DIAPH3: variants seen among roughly 807,000 people sequenced by gnomAD.
The protein encoded by DIAPH3 is protein diaphanous homolog 3.
A neutral mutation model predicts 144.3 loss-of-function variants in DIAPH3; 117 were observed. That is an observed-to-expected ratio of 0.81 (90% CI 0.70 to 0.95). The LOEUF is 0.95. DIAPH3 is among the 40% of genes least tolerant of loss of function. The pLI is 0.00. For missense variants in DIAPH3, 1,421 were observed against 1,412.7 expected (o/e 1.01, Z -0.09); for synonymous variants, 519 against 488.9 (o/e 1.06, Z -0.81).
intron 25 of DIAPH3, among the ~76,000 whole-genome samples, chr13:59,791,335 T>G (rs1429682084): frequency 6.6e-6 from 1 of 152,142 alleles, no homozygotes; most frequent in Non-Finnish European, 1.5e-5. Flanking sequence ...AAATATGAAT[T>G]AAGACACACT....
chr13:59,846,884 T>G (rs2042666674), intron 22 of DIAPH3, among the ~76,000 whole-genome samples: 1 of 152,132 alleles, frequency 6.6e-6, no homozygotes, highest in African/African-American at 2.4e-5. Context: ...GAGACCAGAC[T>G]GGGCAACACA....
rs140467261 is a variant in DIAPH3 at position 60,101,081 on chromosome 13, C to T, written c.391-7349G>A. Among the ~76,000 whole-genome samples the T allele has an allele frequency of 8.4e-4, 128 of 152,308 alleles. 6 individuals are homozygous for T. The East Asian group carries it at 0.023, about 27-fold the overall frequency. On this transcript the variant is annotated intron_variant, in intron 3 of 27. Transcript: ENST00000400324. ...CATTTTACAAAGACCTCTAGTACTC[C>T]TGTAATCTTAAACTATGGTCAAATT...
intron 27 of DIAPH3, among the ~76,000 whole-genome samples, chr13:59,705,500 T>C (rs1353923753): frequency 3.9e-5 from 6 of 152,106 alleles, no homozygotes; most frequent in African/African-American, 1.4e-4. Context: ...TGAGGCCTGA[T>C]AAAAAAGGAA....
intron 25 of DIAPH3, among the ~76,000 whole-genome samples, chr13:59,779,387 T>C (rs985327050): frequency 1.3e-5 from 2 of 152,110 alleles, no homozygotes; most frequent in African/African-American, 2.4e-5. Flanking sequence ...CTAAGTGATA[T>C]ACAAATATAG....
At chr13:59,919,384 A>C (rs942086812) in intron 18 of DIAPH3, among the ~76,000 whole-genome samples, 1 of 152,130 alleles carries the variant, frequency 6.6e-6, no homozygotes, top group Non-Finnish European at 1.5e-5. Flanking sequence ...TCAAAGATCA[A>C]AGACAAAGAG....
At chr13:60,019,899 T>C (rs2053896380) in intron 5 of DIAPH3, among the ~76,000 whole-genome samples, 1 of 152,194 alleles carries the variant, frequency 6.6e-6, no homozygotes. Context: ...CAAAGACTGA[T>C]CTCCTACTCT....
chr13:59,998,808 A>G (rs909056142), intron 9 of DIAPH3, among the ~76,000 whole-genome samples: 1 of 152,130 alleles, frequency 6.6e-6, no homozygotes, highest in Non-Finnish European at 1.5e-5. Context: ...TAAAAGTAGT[A>G]GTCAGAAGAG....
chr13:59,951,564 T>C (rs1001981174), intron 17 of DIAPH3, among the ~76,000 whole-genome samples: 1 of 152,190 alleles, frequency 6.6e-6, no homozygotes, highest in African/African-American at 2.4e-5. Flanking sequence ...TCTGCCATCA[T>C]TCACTCAATA....
intron 21 of DIAPH3, among the ~76,000 whole-genome samples, chr13:59,864,543 A>G (rs747595062): frequency 7.2e-5 from 11 of 152,084 alleles, no homozygotes; most frequent in South Asian, 2.1e-4. Flanking sequence ...ATATAGCTAA[A>G]CAGCCAGCAA....
At chr13:60,024,495 T>G (rs2054252758) in intron 5 of DIAPH3, among the ~76,000 whole-genome samples, 1 of 152,022 alleles carries the variant, frequency 6.6e-6, no homozygotes, top group African/African-American at 2.4e-5. Context: ...AGACTTTCTA[T>G]TTTTTTTCTT....
At chr13:59,923,841 G>A (rs939064035) in intron 18 of DIAPH3, among the ~76,000 whole-genome samples, 1 of 152,196 alleles carries the variant, frequency 6.6e-6, no homozygotes, top group Non-Finnish European at 1.5e-5. Context: ...AAGTGATTAC[G>A]AAGGAGAGGA....
chr13:60,115,840 T>A lies in DIAPH3; in HGVS notation c.214-3654A>T, dbSNP rs188794014. Among the ~76,000 whole-genome samples, 318 of 152,218 alleles carry A rather than the reference T, an allele frequency of 2.1e-3. 3 individuals carry two copies. Among genetic ancestry groups the A allele is most frequent in the African/African-American group, 7.4e-3 (307 of 41,546 alleles). The stretch of plus-strand genomic sequence containing the variant: ...ATTGCAAATCTACAAAAATCTCCAA[T>A]ATATTTCTTTGAAAAAAACCTGTGT... On this transcript the variant is annotated intron_variant, in intron 2 of 27. Transcript: ENST00000400324.
At chr13:59,761,782 G>A (rs962975742) in intron 27 of DIAPH3, among the ~76,000 whole-genome samples, 5 of 151,982 alleles carry the variant, frequency 3.3e-5, no homozygotes, top group Admixed American at 2.0e-4. Flanking sequence ...TATAGCATTG[G>A]AAGACAGAAA....
chr13:59,794,081 T>C (rs556506681), intron 25 of DIAPH3, among the ~76,000 whole-genome samples: 6 of 152,342 alleles, frequency 3.9e-5, no homozygotes, highest in Admixed American at 2.6e-4. Flanking sequence ...GATTACAAAA[T>C]AGGTTCTGTG....
intron 24 of DIAPH3, among the ~76,000 whole-genome samples, chr13:59,828,355 A>G (rs1398572787): frequency 6.6e-6 from 1 of 152,018 alleles, no homozygotes; most frequent in Non-Finnish European, 1.5e-5. Flanking sequence ...GAACCCATCA[A>G]TGTAAATAGA....
At chr13:60,138,967 C>G (rs991059393) in intron 1 of DIAPH3, among the ~76,000 whole-genome samples, 3 of 152,150 alleles carry the variant, frequency 2.0e-5, no homozygotes, top group African/African-American at 7.2e-5. Context: ...TCCTTTCCAA[C>G]AATAATGTAT....
At chr13:59,987,475 T>TAAAAAAAAAAAAA (rs201333360) in intron 12 of DIAPH3, among the ~76,000 whole-genome samples, 13 of 69,930 alleles carry the variant, frequency 1.9e-4, no homozygotes, top group East Asian at 3.8e-4. Flanking sequence ...TAAAGTATAA[T>TAAAAAAAAAAAAA]AAAAAAAAAA....
At chr13:60,128,120 CT>C in intron 2 of DIAPH3, among the ~76,000 whole-genome samples, 1 of 152,178 alleles carries the variant, frequency 6.6e-6, no homozygotes, top group East Asian at 1.9e-4. Context: ...TCCATGTGTT[CT>C]CATCATTTAG....
intron 2 of DIAPH3, among the ~76,000 whole-genome samples, chr13:60,120,675 G>T (rs542981695): frequency 3.3e-5 from 5 of 152,288 alleles, no homozygotes; most frequent in African/African-American, 1.2e-4. Flanking sequence ...AAAGCCAGCT[G>T]TCATGCCATG....
Sources: gnomAD v4.1 joint callset for allele counts (sites outside exome capture counted in the v4.1 genomes callset) on GRCh38, gnomAD v4.1.1 for gene constraint, MANE v1.5 for transcripts, NCBI Gene and HGNC (gene_info 2026-07-23, HGNC 2026-07-21) for gene names.